CRYBB1: variants seen among roughly 807,000 people sequenced by gnomAD.
The protein encoded by CRYBB1 is beta-crystallin B1.
A neutral mutation model predicts 29.5 loss-of-function variants in CRYBB1; 16 were observed. That is an observed-to-expected ratio of 0.54 (90% CI 0.37 to 0.82). CRYBB1 has a LOEUF of 0.82. CRYBB1 is among the 40% of genes least tolerant of loss of function. CRYBB1 has a pLI of 0.00. For synonymous variants in CRYBB1, 127 were observed against 136.7 expected (o/e 0.93, Z 0.49); for missense variants, 300 against 350.5 (o/e 0.86, Z 1.15).
chr22:26,607,853 G>A, intron 4 of CRYBB1, 36 bp downstream of exon 4: 3 of 1,613,898 alleles, frequency 1.9e-6, no homozygotes, highest in Non-Finnish European at 2.5e-6. Flanking sequence ...TGCCCCGCCT[G>A]GCTGATTCTC....
intron 5 of CRYBB1, 144 bp downstream of exon 5, chr22:26,601,735 G>T: frequency 7.2e-7 from 1 of 1,379,616 alleles, no homozygotes; most frequent in Non-Finnish European, 1.0e-6. Context: ...TCTGTTGGCT[G>T]ATCCCAGGAA....
chr22:26,600,003 C>G (rs56123451), intron 5 of CRYBB1, among the ~76,000 whole-genome samples: 1 of 152,140 alleles, frequency 6.6e-6, no homozygotes, highest in East Asian at 1.9e-4. Context: ...TCCCATTAAA[C>G]GTGATGATGC....
At chr22:26,606,042 G>A (rs1251294113) in intron 4 of CRYBB1, among the ~76,000 whole-genome samples, 1 of 152,174 alleles carries the variant, frequency 6.6e-6, no homozygotes, top group Non-Finnish European at 1.5e-5. Flanking sequence ...AAGCTCATCC[G>A]CTATCGTTAG....
Position 26,599,334 on chromosome 22 carries a change from C to G in CRYBB1, c.*156G>C. On this transcript the variant is annotated 3_prime_UTR_variant, in exon 6 of 6. Coordinates refer to ENST00000647684, the MANE Select transcript of CRYBB1 (RefSeq NM_001887.4). ...TTGTAATTATTAAGAGCGAGGAAGTCACATCCCAGTAACTATGGGGGACCT... is the reference window on the plus strand; with the variant it reads ...TTGTAATTATTAAGAGCGAGGAAGTGACATCCCAGTAACTATGGGGGACCT... 3.0e-6 allele frequency: 2 copies of G among 675,946 alleles called. No homozygotes were observed. Among genetic ancestry groups the G allele is most frequent in the Admixed American group, 5.5e-5 (2 of 36,490 alleles). The allele number at this position is 675,946 out of a possible 1,614,324, so 41.9% of individuals were successfully genotyped here.
At position 26,612,084 on chromosome 22, in the gene CRYBB1, A is replaced by G. The variant is rs758016059; in HGVS notation, c.287T>C (p.Val96Ala). 2 of 1,612,898 alleles carry G rather than the reference A, an allele frequency of 1.2e-6. No homozygotes were observed. The highest frequency in any genetic ancestry group is 1.3e-5 in the African/African-American group (1 of 74,908). Residue 96 changes from valine (V) to alanine (A), a missense_variant, in exon 3 of 6, where the codon GTC becomes GCC. By Grantham distance (64) the Val-to-Ala change is moderately conservative. Coordinates refer to ENST00000647684, the MANE Select transcript of CRYBB1 (RefSeq NM_001887.4). ...GCCCAGTACTCACGGTCCCGCGGAGACAATGATGCTGCGCACACGGTCGAA... is the reference window on the plus strand; with the variant it reads ...GCCCAGTACTCACGGTCCCGCGGAGGCAATGATGCTGCGCACACGGTCGAA... ...RGFDRVRSII[V>A]SAGPWVAFEQ...
At chr22:26,610,296 G>A (rs1236372541) in intron 3 of CRYBB1, among the ~76,000 whole-genome samples, 1 of 152,070 alleles carries the variant, frequency 6.6e-6, no homozygotes, top group African/African-American at 2.4e-5. Flanking sequence ...TGGGTTTCAG[G>A]CAGGCAGGCC....
chr22:26,601,828 T>G, intron 5 of CRYBB1, 51 bp downstream of exon 5: 1 of 1,610,656 alleles, frequency 6.2e-7, no homozygotes, highest in East Asian at 2.2e-5. Context: ...AGCCTCTGAT[T>G]CTGCCTGTGC....
chr22:26,617,067 G>A (rs1475971043), intron 1 of CRYBB1, among the ~76,000 whole-genome samples: 1 of 152,224 alleles, frequency 6.6e-6, no homozygotes, highest in Non-Finnish European at 1.5e-5. Flanking sequence ...TGCTTCCTCT[G>A]AGGGGTTGGT....
rs190574684 is a variant in CRYBB1, at chr22:26,608,041, T to A, written c.300-20A>T. 163 of 1,614,080 alleles carry A rather than the reference T, an allele frequency of 1.0e-4. 3 individuals carry two copies. The African/African-American group carries it at 2.1e-3, about 21-fold the overall frequency. On this transcript the variant is annotated intron_variant, in intron 3 of 5. Coordinates refer to ENST00000647684, the MANE Select transcript of CRYBB1 (RefSeq NM_001887.4). ...ACCCAGCTGGATACAAGAAGGACCA[T>A]GAGGCAGACAGGAGACATATGGTTA...
intron 3 of CRYBB1, among the ~76,000 whole-genome samples, chr22:26,611,450 GTTTGTTTTTTTTTTT>G (rs1439145228): frequency 2.1e-5 from 3 of 145,158 alleles, no homozygotes; most frequent in African/African-American, 5.0e-5. Context: ...ATGGGCTAGA[GTTTGTTTTTTTTTTT>G]TTTGTTTTTT....
Position 26,617,974 on chromosome 22 carries a change from TACCTGGGG to T in CRYBB1, c.-25_-20+2del, listed in dbSNP as rs1929412052. 1 of 153,260 alleles carries T rather than the reference TACCTGGGG, an allele frequency of 6.5e-6. No homozygotes were observed. Among genetic ancestry groups the T allele is most frequent in the South Asian group, 2.1e-4 (1 of 4,838 alleles). The allele number at this position is 153,260 out of a possible 1,614,324, so 9.5% of individuals were successfully genotyped here. A position where few individuals can be genotyped will look rare whatever the true frequency, so the allele number is the denominator to read the frequency against. On this transcript the variant is annotated splice_donor_variant and 5_prime_UTR_variant, in exon 1 of 6. Transcript: ENST00000647684. LOFTEE classifies it low-confidence loss of function (5UTR_SPLICE). ...CTCAGCTGGGCTGTGGGTTCCCTCT[TACCTGGGG>T]ACTTGCTACTTCCTGCTGGAGGACA... is the stretch of plus-strand genomic sequence containing the variant.
chr22:26,612,259 A>C, intron 2 of CRYBB1, 69 bp from the exon 3 acceptor site: 2 of 1,058,184 alleles, frequency 1.9e-6, no homozygotes, highest in South Asian at 1.3e-5. Context: ...AAGTATCTAC[A>C]TAAATAAAAG....
chr22:26,604,224 G>A (rs1372037078), intron 4 of CRYBB1, among the ~76,000 whole-genome samples: 2 of 152,214 alleles, frequency 1.3e-5, no homozygotes, highest in Non-Finnish European at 2.9e-5. Context: ...CCAGCTGTGT[G>A]GCCTTAGGCC....
chr22:26,603,795 G>A (rs372347499), intron 4 of CRYBB1, among the ~76,000 whole-genome samples: 1 of 151,280 alleles, frequency 6.6e-6, no homozygotes, highest in African/African-American at 2.4e-5. Flanking sequence ...GTGGTGGCAC[G>A]CACCTGTAGT....
Position 26,616,198 on chromosome 22 carries a change from G to T in CRYBB1, c.122C>A (p.Pro41Gln), listed in dbSNP as rs759667079. 1 of 1,614,200 alleles carries T rather than the reference G, an allele frequency of 6.2e-7. No homozygotes were observed. The highest frequency in any genetic ancestry group is 1.1e-5 in the South Asian group (1 of 91,086). Residue 41 changes from proline (P) to glutamine (Q), a missense_variant, in exon 2 of 6, where the codon CCA becomes CAA. Transcript: ENST00000647684. ...TSPSPGTTLAPTTVPITSAKA... is the reference protein window; with the variant it reads ...TSPSPGTTLAQTTVPITSAKA... ...GGCGCTGGTAATAGGCACGGTTGTT[G>T]GGGCCAGGGTAGTGCCGGGACTAGG...
At position 26,612,091 on chromosome 22, in the gene CRYBB1, T is replaced by C. The variant is rs1463847877; in HGVS notation, c.280A>G (p.Ile94Val). ...ACTCACGGTCCCGCGGAGACAATGA[T>C]GCTGCGCACACGGTCGAAGCCACGG... ...ADRGFDRVRS[I>V]IVSAGPWVAF... is the part of the protein sequence containing the mutation. Residue 94 changes from isoleucine (I) to valine (V), a missense_variant, in exon 3 of 6, where the codon ATC becomes GTC. By Grantham distance (29) the Ile-to-Val change is conservative (BLOSUM62 3). Coordinates refer to ENST00000647684, the MANE Select transcript of CRYBB1 (RefSeq NM_001887.4). 4 of 1,613,138 alleles carry C rather than the reference T, an allele frequency of 2.5e-6. No homozygotes were observed. The Admixed American group carries it at 5.0e-5, about 20-fold the overall frequency.
chr22:26,613,039 C>A (rs189912620), intron 2 of CRYBB1, among the ~76,000 whole-genome samples: 5 of 152,308 alleles, frequency 3.3e-5, no homozygotes, highest in Admixed American at 3.3e-4. Context: ...ACCAAGGACT[C>A]CTCCAGGGCA....
chr22:26,601,791 T>A, intron 5 of CRYBB1, 88 bp downstream of exon 5: 1 of 1,597,464 alleles, frequency 6.3e-7, no homozygotes, highest in Admixed American at 1.7e-5. Flanking sequence ...TCTCTAGGAA[T>A]CTGATGTTAT....
At chr22:26,602,046 G>A (rs1274772060) in intron 4 of CRYBB1, 25 bp from the exon 5 acceptor site, 4 of 1,612,242 alleles carry the variant, frequency 2.5e-6, no homozygotes, top group Non-Finnish European at 3.4e-6. Flanking sequence ...GCCGGGTCAG[G>A]TGTGTGAAGT....
Sources: gnomAD v4.1 joint callset for allele counts (sites outside exome capture counted in the v4.1 genomes callset) on GRCh38, gnomAD v4.1.1 for gene constraint, MANE v1.5 for transcripts, NCBI Gene and HGNC (gene_info 2026-07-23, HGNC 2026-07-21) for gene names.